NDUFV2: variants seen among roughly 807,000 people sequenced by gnomAD.
NDUFV2 encodes the protein NADH:ubiquinone oxidoreductase core subunit V2.
NDUFV2 carries 18 observed loss-of-function variants against 31.6 expected under a neutral mutation model. That is an observed-to-expected ratio of 0.57 (90% CI 0.39 to 0.84). The LOEUF is 0.84. NDUFV2 is among the 40% of genes least tolerant of loss of function. The pLI is 0.00. For synonymous variants in NDUFV2, 83 were observed against 99.8 expected (o/e 0.83, Z 1.01); for missense variants, 314 against 303.6 (o/e 1.03, Z -0.26).
At chr18:9,110,117 AC>A (rs1220343439) in intron 1 of NDUFV2, among the ~76,000 whole-genome samples, 1 of 151,212 alleles carries the variant, frequency 6.6e-6, no homozygotes, top group African/African-American at 2.4e-5. Flanking sequence ...ACTAGACTGT[AC>A]TCAAAGAAGG....
In NDUFV2 at chr18:9,125,081, T is replaced by A; in HGVS notation, c.579+98T>A. The A allele has an allele frequency of 2.3e-6, 3 of 1,289,774 alleles. No homozygotes were observed. The South Asian group carries it at 4.2e-5, about 18-fold the overall frequency. 79.9% of individuals were successfully genotyped at this position (1,289,774 alleles called of 1,614,324 possible). Reference sequence around the variant, plus strand: ...TGTCCTTAGATGTTGGTTTCTGAATTACTCATTTAGAAGAAATGGTTACCA... The same window carrying A: ...TGTCCTTAGATGTTGGTTTCTGAATAACTCATTTAGAAGAAATGGTTACCA... On this transcript the variant is annotated intron_variant, in intron 6 of 7. Transcript: ENST00000318388.
intron 1 of NDUFV2, chr18:9,104,205 A>G: frequency 6.2e-7 from 1 of 1,611,314 alleles, no homozygotes. Flanking sequence ...ATGTATGAGA[A>G]GCCACCCTCT....
At chr18:9,129,622 A>C (rs922772109) in intron 7 of NDUFV2, among the ~76,000 whole-genome samples, 1 of 152,144 alleles carries the variant, frequency 6.6e-6, no homozygotes, top group Non-Finnish European at 1.5e-5. Context: ...CATTTGAGCC[A>C]TGACCTGAAT....
chr18:9,103,455 C>T (rs2144725511), intron 1 of NDUFV2: 1 of 261,086 alleles, frequency 3.8e-6, no homozygotes, highest in East Asian at 7.0e-5. Context: ...AATTGAATTG[C>T]AGAGAAGTTG....
intron 1 of NDUFV2, chr18:9,112,747 G>C (rs993572441): frequency 6.6e-6 from 1 of 152,218 alleles, no homozygotes; most frequent in African/African-American, 2.4e-5. Flanking sequence ...GCCTCCCAAA[G>C]TGCTGGGATT....
intron 4 of NDUFV2, among the ~76,000 whole-genome samples, chr18:9,122,289 A>G (rs2077943456): frequency 6.6e-6 from 1 of 152,082 alleles, no homozygotes; most frequent in African/African-American, 2.4e-5. Context: ...TGTTAACTCC[A>G]TTAACTTTCG....
intron 1 of NDUFV2, among the ~76,000 whole-genome samples, chr18:9,105,226 A>G (rs1368001967): frequency 6.6e-6 from 1 of 152,248 alleles, no homozygotes; most frequent in African/African-American, 2.4e-5. Context: ...GAAACCTTTA[A>G]AGATTATTTA....
chr18:9,133,985 G>A (rs540753180), intron 7 of NDUFV2, among the ~76,000 whole-genome samples: 1 of 152,222 alleles, frequency 6.6e-6, no homozygotes, highest in East Asian at 1.9e-4. Context: ...TTATGTTTAT[G>A]GTGAAGTCTG....
intron 1 of NDUFV2, chr18:9,104,237 T>C (rs1186952250): frequency 6.2e-7 from 1 of 1,612,534 alleles, no homozygotes; most frequent in East Asian, 2.2e-5. Context: ...TAAGGTGTGT[T>C]CCCAAATGAA....
intron 6 of NDUFV2, among the ~76,000 whole-genome samples, chr18:9,126,423 T>A (rs931541388): frequency 9.9e-5 from 15 of 152,246 alleles, no homozygotes; most frequent in African/African-American, 3.6e-4. Flanking sequence ...GATTACTAGC[T>A]AGTAAGTGAT....
chr18:9,122,428 A>G, intron 4 of NDUFV2, 85 bp from the exon 5 acceptor site: 1 of 1,247,466 alleles, frequency 8.0e-7, no homozygotes, highest in Non-Finnish European at 1.2e-6. Context: ...TTGAGACAAT[A>G]TTGAAATTAT....
rs564950242 is a variant in NDUFV2, at chr18:9,109,746, T to C, written c.54+6949T>C. On this transcript the variant is annotated intron_variant, in intron 1 of 7. Coordinates refer to ENST00000318388, the MANE Select transcript of NDUFV2 (RefSeq NM_021074.5). ...AGCCTGAGTTTCTCTAAATGTAAAA[T>C]GGAAATAATGACTCACTACAGATTT... Among the ~76,000 whole-genome samples the C allele has an allele frequency of 2.6e-5, 4 of 152,206 alleles. No homozygotes were observed. In the South Asian group the frequency reaches 8.3e-4, roughly 32 times the overall value.
At chr18:9,105,278 G>C (rs1393143570) in intron 1 of NDUFV2, among the ~76,000 whole-genome samples, 1 of 152,198 alleles carries the variant, frequency 6.6e-6, no homozygotes, top group Non-Finnish European at 1.5e-5. Context: ...TGCTTTGCTA[G>C]CTGCCATTCT....
At chr18:9,112,082 G>A (rs1295326708) in intron 1 of NDUFV2, among the ~76,000 whole-genome samples, 1 of 142,764 alleles carries the variant, frequency 7.0e-6, no homozygotes, top group African/African-American at 2.7e-5. Context: ...GCAGTGGCTC[G>A]ATCTCAGCTC....
Position 9,122,642 on chromosome 18 carries a change from A to C in NDUFV2, c.430A>C (p.Asn144His). Reference sequence around the variant, plus strand: ...CACTACTACACCCTGCATGCTTCGAAACTCTGACAGCATACTGGAGGCCAT... The same window carrying C: ...CACTACTACACCCTGCATGCTTCGACACTCTGACAGCATACTGGAGGCCAT... Reference protein sequence around the residue: ...VCTTTPCMLRNSDSILEAIQK... With the variant: ...VCTTTPCMLRHSDSILEAIQK... Residue 144 changes from asparagine (N) to histidine (H), a missense_variant, in exon 5 of 8, where the codon AAC becomes CAC. By Grantham distance (68) the Asn-to-His change is moderately conservative. Coordinates refer to ENST00000318388, the MANE Select transcript of NDUFV2 (RefSeq NM_021074.5). 4 of 1,613,988 alleles carry C rather than the reference A, an allele frequency of 2.5e-6. No homozygotes were observed. The highest frequency in any genetic ancestry group is 3.4e-6 in the Non-Finnish European group (4 of 1,179,930).
At chr18:9,112,342 T>G (rs1409588386) in intron 1 of NDUFV2, 1 of 151,872 alleles carries the variant, frequency 6.6e-6, no homozygotes, top group African/African-American at 2.4e-5. Flanking sequence ...TTAAAATTAG[T>G]TTGGTGATAT....
intron 1 of NDUFV2, chr18:9,103,572 G>C (rs918220689): frequency 1.9e-5 from 3 of 157,814 alleles, no homozygotes; most frequent in African/African-American, 7.2e-5. Flanking sequence ...AGTTTTGTTT[G>C]TTTTCTAAGA....
intron 1 of NDUFV2, among the ~76,000 whole-genome samples, chr18:9,107,761 C>T (rs1330916459): frequency 1.3e-5 from 2 of 152,148 alleles, no homozygotes; most frequent in Non-Finnish European, 2.9e-5. Flanking sequence ...AAAGGTGTAC[C>T]AGTGTAAGCA....
intron 4 of NDUFV2, chr18:9,121,209 A>T (rs2077932746): frequency 6.6e-6 from 1 of 152,174 alleles, no homozygotes; most frequent in African/African-American, 2.4e-5. Context: ...CTTTTATTTT[A>T]ATGTTACTGC....
Sources: allele counts gnomAD v4.1 joint callset (sites outside exome capture counted in the v4.1 genomes callset), GRCh38; gene constraint gnomAD v4.1.1; transcripts MANE v1.5; gene names NCBI Gene and HGNC (gene_info 2026-07-23, HGNC 2026-07-21).